The following KDM2A variants were observed in gnomAD, a reference collection of about 807,000 sequenced individuals.
KDM2A encodes lysine demethylase 2A.
In KDM2A, 3 loss-of-function variants were observed where a neutral mutation model predicts 137.3. The observed-to-expected ratio is 0.02, with a 90% CI of 0.01 to 0.06. The LOEUF (loss-of-function observed/expected upper bound fraction) is 0.06. Among genes scored for constraint, KDM2A ranks in the 10% least tolerant of loss-of-function variants. The pLI, the probability that KDM2A is intolerant of heterozygous loss-of-function variation, is 1.00. For missense variants in KDM2A, 738 were observed against 1,510.6 expected (o/e 0.49, Z 8.48); for synonymous variants, 512 against 541.5 (o/e 0.95, Z 0.76).
At chr11:67,176,455 C>G (rs938058695) in intron 2 of KDM2A, among the ~76,000 whole-genome samples, 1 of 152,188 alleles carries the variant, frequency 6.6e-6, no homozygotes, top group South Asian at 2.1e-4. Flanking sequence ...CTACCACTGG[C>G]ACATCCAGTT....
At chr11:67,240,399 G>A (rs766849020) in intron 12 of KDM2A, 1 of 1,521,478 alleles carries the variant, frequency 6.6e-7, no homozygotes, top group South Asian at 1.2e-5. Context: ...AACCCTTTCT[G>A]GTTTGGGGTG....
At chr11:67,249,639 T>A (rs1334199241) in intron 16 of KDM2A, among the ~76,000 whole-genome samples, 1 of 152,220 alleles carries the variant, frequency 6.6e-6, no homozygotes, top group Non-Finnish European at 1.5e-5. Context: ...GTTCTTGTTA[T>A]CTGCTTTATT....
intron 10 of KDM2A, among the ~76,000 whole-genome samples, chr11:67,221,017 C>CGAA (rs1018362303): frequency 7.2e-6 from 1 of 139,588 alleles, no homozygotes; most frequent in African/African-American, 2.7e-5. Flanking sequence ...CTGTCTGACC[C>CGAA]GAAAAAAAAA....
At chr11:67,196,514 T>C (rs1447370989) in intron 5 of KDM2A, 2 of 455,362 alleles carry the variant, frequency 4.4e-6, no homozygotes. Flanking sequence ...CATAATGTGC[T>C]ATTTCCATTC....
At chr11:67,179,369 G>A (rs1478769276) in intron 2 of KDM2A, among the ~76,000 whole-genome samples, 3 of 152,166 alleles carry the variant, frequency 2.0e-5, no homozygotes, top group Admixed American at 1.3e-4. Flanking sequence ...CACCTCCCAG[G>A]TTCAAGCGAT....
intron 5 of KDM2A, among the ~76,000 whole-genome samples, chr11:67,198,866 C>T (rs1857550837): frequency 6.6e-6 from 1 of 152,022 alleles, no homozygotes; most frequent in African/African-American, 2.4e-5. Context: ...GCAACCTCCA[C>T]CTCCTGGATT....
chr11:67,127,704 A>C (rs1008310513), intron 2 of KDM2A, among the ~76,000 whole-genome samples: 1 of 149,446 alleles, frequency 6.7e-6, no homozygotes, highest in African/African-American at 2.5e-5. Flanking sequence ...AAATTAATTA[A>C]TTTATTTATT....
intron 12 of KDM2A, among the ~76,000 whole-genome samples, chr11:67,234,880 C>G (rs1244666578): frequency 6.6e-6 from 1 of 151,966 alleles, no homozygotes; most frequent in Admixed American, 6.6e-5. Flanking sequence ...GGCATGGTGG[C>G]TCATGCCTGT....
chr11:67,203,464 T>TATC (rs151303515), intron 5 of KDM2A, among the ~76,000 whole-genome samples: 2 of 147,102 alleles, frequency 1.4e-5, no homozygotes, highest in Non-Finnish European at 3.0e-5. Flanking sequence ...TATTTATTAA[T>TATC]TATTAATAAT....
Position 67,158,794 on chromosome 11 carries a change from A to T in KDM2A, c.43-21285A>T, listed in dbSNP as rs575222612. On this transcript the variant is annotated intron_variant, in intron 2 of 20. Coordinates refer to ENST00000529006, the MANE Select transcript of KDM2A (RefSeq NM_012308.3). ...GTGAACCACCGCCCCCAGCCTGAGC[A>T]TCTTTTCATATGCTTATTTGTCATC... Among the ~76,000 whole-genome samples, 5 of 152,252 alleles carry T rather than the reference A, an allele frequency of 3.3e-5. No individual in the cohort carries two copies. The East Asian group carries it at 9.6e-4, about 29-fold the overall frequency.
At chr11:67,215,811 C>G (rs558684387) in intron 7 of KDM2A, 45 bp from the exon 8 acceptor site, 1 of 1,487,906 alleles carries the variant, frequency 6.7e-7, no homozygotes, top group South Asian at 1.1e-5. Flanking sequence ...GGCAGATGTA[C>G]TTTTTTCCAT....
intron 5 of KDM2A, among the ~76,000 whole-genome samples, chr11:67,187,548 T>TTTTATTTA (rs138753050): frequency 0.045 from 6,676 of 147,514 alleles, 444 homozygotes; most frequent in African/African-American, 0.15. Flanking sequence ...ATTTAATTGA[T>TTTTATTTA]TTTATTTATT....
At position 67,257,923 on chromosome 11, in the gene KDM2A, C is replaced by T. The variant is rs985998378; in HGVS notation, c.*2868C>T. 2.0e-5 allele frequency: 3 copies of T among 152,136 alleles called. No individual in the cohort carries two copies. The highest frequency in any genetic ancestry group is 7.2e-5 in the African/African-American group (3 of 41,418). The allele number at this position is 152,136 out of a possible 1,614,324, so 9.4% of individuals were successfully genotyped here. A position where few individuals can be genotyped will look rare whatever the true frequency, so the allele number is the denominator to read the frequency against. On this transcript the variant is annotated 3_prime_UTR_variant, in exon 21 of 21. Coordinates refer to ENST00000529006, the MANE Select transcript of KDM2A (RefSeq NM_012308.3). The stretch of plus-strand genomic sequence containing the variant: ...TTGGTTTTAGAGAGAGCAAGGACAT[C>T]TTTCCTCTGACACGTGGGAATGGGT...
At chr11:67,148,407 T>A (rs930018413) in intron 2 of KDM2A, among the ~76,000 whole-genome samples, 1 of 151,796 alleles carries the variant, frequency 6.6e-6, no homozygotes, top group Non-Finnish European at 1.5e-5. Context: ...GACAACAGAG[T>A]GAGACCTAAT....
intron 18 of KDM2A, 112 bp from the exon 19 acceptor site, chr11:67,253,341 T>A (rs897023101): frequency 1.1e-6 from 1 of 887,726 alleles, no homozygotes; most frequent in Non-Finnish European, 1.8e-6. Flanking sequence ...AGATTAGGCA[T>A]AGTCCTTCTC....
intron 6 of KDM2A, 66 bp downstream of exon 6, chr11:67,207,754 G>A: frequency 7.7e-7 from 1 of 1,299,982 alleles, no homozygotes; most frequent in East Asian, 2.6e-5. Context: ...CTGGACGTTG[G>A]TAACTGATGC....
chr11:67,120,959 G>A (rs1022257344), intron 1 of KDM2A, among the ~76,000 whole-genome samples: 7 of 151,864 alleles, frequency 4.6e-5, no homozygotes, highest in Non-Finnish European at 1.0e-4. Flanking sequence ...ATCCTTGCTA[G>A]TTGTAATCCT....
chr11:67,253,050 G>A (rs1485114379), intron 18 of KDM2A, among the ~76,000 whole-genome samples, 193 bp downstream of exon 18: 1 of 152,184 alleles, frequency 6.6e-6, no homozygotes, highest in Non-Finnish European at 1.5e-5. Context: ...CTCTGGACTG[G>A]CAGGCCAATC....
At chr11:67,180,462 T>A in intron 3 of KDM2A, 1 of 345,926 alleles carries the variant, frequency 2.9e-6, no homozygotes, top group Non-Finnish European at 5.2e-6. Context: ...TTTTTTTGCC[T>A]AACGGCCTCT....
Sources: allele counts gnomAD v4.1 joint callset (sites outside exome capture counted in the v4.1 genomes callset), GRCh38; gene constraint gnomAD v4.1.1; transcripts MANE v1.5; gene names NCBI Gene and HGNC (gene_info 2026-07-23, HGNC 2026-07-21).